Variants in RYR1 observed in about 807,000 individuals in gnomAD.
The protein encoded by RYR1 is central core disease of muscle.
In RYR1, 342 loss-of-function variants were observed where a neutral mutation model predicts 583.5. That is an observed-to-expected ratio of 0.59 (90% CI 0.54 to 0.64). RYR1 has a LOEUF of 0.64. RYR1 is among the 30% of genes least tolerant of loss of function. The pLI, the probability that RYR1 is intolerant of heterozygous loss-of-function variation, is 0.00. For missense variants in RYR1, 6,032 were observed against 6,917.2 expected (o/e 0.87, Z 4.54); for synonymous variants, 2,791 against 2,822.5 (o/e 0.99, Z 0.35).
At chr19:38,587,255 A>C in intron 105 of RYR1, 70 bp from the exon 106 acceptor site, 1 of 979,158 alleles carries the variant, frequency 1.0e-6, no homozygotes, top group Non-Finnish European at 1.6e-6. Flanking sequence ...CCTGTCTAAA[A>C]ATATATATAT....
intron 71 of RYR1, among the ~76,000 whole-genome samples, chr19:38,526,200 A>C (rs1971459788): frequency 6.6e-6 from 1 of 151,822 alleles, no homozygotes; most frequent in African/African-American, 2.4e-5. Flanking sequence ...GCTTGCTGGG[A>C]TATCAAGGAG....
intron 69 of RYR1, chr19:38,523,682 C>T (rs1971326937): frequency 3.2e-6 from 2 of 621,730 alleles, no homozygotes; most frequent in African/African-American, 3.7e-5. Flanking sequence ...TTTCTTTCTT[C>T]CTCTCCCCAT....
chr19:38,566,550 A>G (rs936772946), intron 91 of RYR1, among the ~76,000 whole-genome samples: 2 of 151,424 alleles, frequency 1.3e-5, no homozygotes, highest in Non-Finnish European at 2.9e-5. Flanking sequence ...CCTCGGAGAT[A>G]CTCGTTGTGG....
chr19:38,527,544 C>A (rs1971519462), intron 72 of RYR1, 103 bp from the exon 73 acceptor site: 1 of 1,434,584 alleles, frequency 7.0e-7, no homozygotes, highest in African/African-American at 1.4e-5. Flanking sequence ...AAGGCCTCAA[C>A]ATGCACTCAC....
rs141678912 is a variant in RYR1 at position 38,565,006 on chromosome 19, C to T, written c.12672C>T (p.Gly4224=). 1.8e-4 allele frequency: 288 copies of T among 1,591,462 alleles called. No homozygotes were observed. Among genetic ancestry groups the T allele is most frequent in the Non-Finnish European group, 2.4e-4 (276 of 1,169,852 alleles). The change falls in exon 91 of 106, where the codon GGC becomes GGT. Residue 4224 remains glycine (G), a synonymous_variant. Transcript: ENST00000359596. This position sits in a 1 kb window ranked among gnomAD's most constrained non-coding sequence, Gnocchi z 4.7. ...RQFIFDVVNE[G]GEAEKMELFV... is the part of the protein sequence containing the mutation. ...TCATCTTCGACGTGGTGAACGAGGG[C>T]GGCGAGGCTGAGAAGATGGAGCTCT...
At position 38,455,456 on chromosome 19, in the gene RYR1, C is replaced by T; in HGVS notation, c.1582C>T (p.Leu528=). 6.2e-7 allele frequency: 1 copy of T among 1,614,204 alleles called. No individual in the cohort carries two copies. The highest frequency in any genetic ancestry group is 1.1e-5 in the South Asian group (1 of 91,086). The change falls in exon 15 of 106, where the codon CTA becomes TTA. Residue 528 remains leucine, a synonymous_variant. Transcript: ENST00000359596. The stretch of plus-strand genomic sequence containing the variant: ...GACACCTCTTCCCCCCTCAGCTTCT[C>T]TAATCCGTGGCAATCGTAGCAACTG... ...VNLLYELLAS[L]IRGNRSNCAL...
intron 14 of RYR1, 40 bp downstream of exon 14, chr19:38,455,410 A>AT: frequency 1.2e-6 from 2 of 1,614,064 alleles, no homozygotes; most frequent in African/African-American, 2.7e-5. Context: ...AACACCCCAG[A>AT]TCCCCAGTCC....
At position 38,587,554 on chromosome 19, in the gene RYR1, G is replaced by A. The variant is rs1316640060; in HGVS notation, c.*134G>A. Reference sequence around the variant, plus strand: ...GTACTGGAAAATAAATCTGTGCTACGCCCCCCAGCATCACTGTGTTGGCCT... The same window carrying A: ...GTACTGGAAAATAAATCTGTGCTACACCCCCCAGCATCACTGTGTTGGCCT... On this transcript the variant is annotated 3_prime_UTR_variant, in exon 106 of 106. Transcript: ENST00000359596. 7 of 777,194 alleles carry A rather than the reference G, an allele frequency of 9.0e-6. No individual in the cohort carries two copies. Among genetic ancestry groups the A allele is most frequent in the East Asian group, 2.6e-5 (1 of 38,112 alleles). 48.1% of individuals were successfully genotyped at this position (777,194 alleles called of 1,614,324 possible).
chr19:38,535,276 G>T, intron 80 of RYR1, 40 bp from the exon 81 acceptor site: 1 of 1,613,270 alleles, frequency 6.2e-7, no homozygotes. Context: ...AGGTTCCTGT[G>T]TGACTCCCAG....
chr19:38,443,626 C>T lies in RYR1; in HGVS notation c.339C>T (p.Ser113=), dbSNP rs1972798917. The stretch of plus-strand genomic sequence containing the variant: ...CCATCCTGCTCCGGCATGCACACAG[C>T]CGCATGGTGAGTGCAACCTCGGTGG... The part of the protein sequence containing the change: ...GHAILLRHAH[S]RMYLSCLTTS... Residue 113 remains serine, a synonymous_variant, in exon 4 of 106, where the codon AGC becomes AGT. Transcript: ENST00000359596. 4 of 1,614,002 alleles carry T rather than the reference C, an allele frequency of 2.5e-6. No homozygotes were observed. In the South Asian group the frequency reaches 4.4e-5, roughly 18 times the overall value.
intron 39 of RYR1, among the ~76,000 whole-genome samples, chr19:38,495,761 G>A (rs1370852869): frequency 6.6e-6 from 1 of 152,028 alleles, no homozygotes; most frequent in African/African-American, 2.4e-5. Context: ...CACAGTGGCT[G>A]TAGGAATTTT....
intron 13 of RYR1, among the ~76,000 whole-genome samples, chr19:38,454,406 T>C (rs1336759426): frequency 1.3e-5 from 2 of 152,362 alleles, no homozygotes; most frequent in South Asian, 2.1e-4. Flanking sequence ...AAGTGCTGTC[T>C]AGCTTTCCTA....
At chr19:38,554,214 G>T (rs1397925572) in intron 89 of RYR1, among the ~76,000 whole-genome samples, 1 of 150,444 alleles carries the variant, frequency 6.6e-6, no homozygotes, top group African/African-American at 2.5e-5. Flanking sequence ...CACTTTGAGA[G>T]GCTGAGGCAT....
At chr19:38,568,027 C>T in intron 93 of RYR1, 110 bp downstream of exon 93, 1 of 1,304,388 alleles carries the variant, frequency 7.7e-7, no homozygotes, top group Non-Finnish European at 1.1e-6. Context: ...AAGCTCGTCT[C>T]TAAGAAGAAC....
At chr19:38,475,810 G>A (rs1349362951) in intron 29 of RYR1, among the ~76,000 whole-genome samples, 4 of 152,150 alleles carry the variant, frequency 2.6e-5, no homozygotes, top group African/African-American at 9.7e-5. Flanking sequence ...ATATTACTGG[G>A]AACAAAAATT....
intron 26 of RYR1, 27 bp downstream of exon 26, chr19:38,469,167 CCTTT>C (rs1409076720): frequency 1.2e-6 from 2 of 1,613,750 alleles, no homozygotes; most frequent in Non-Finnish European, 1.7e-6. Flanking sequence ...CTTCACATGC[CCTTT>C]CTTGTTTTCC....
At chr19:38,585,847 T>C in intron 102 of RYR1, 91 bp from the exon 103 acceptor site, 1 of 1,465,356 alleles carries the variant, frequency 6.8e-7, no homozygotes, top group Non-Finnish European at 9.6e-7. Flanking sequence ...AAATGGGGGA[T>C]GGAGGGCAAG....
rs372969678 is a variant in RYR1, at chr19:38,478,626, C to T, written c.4620+26C>T. On this transcript the variant is annotated intron_variant, in intron 31 of 105. Transcript: ENST00000359596. ...GTGAGTCCAGGCCACAGCAATTTAGCGAGAGCATCATGTCCCAGCATCCCA... is the reference window on the plus strand; with the variant it reads ...GTGAGTCCAGGCCACAGCAATTTAGTGAGAGCATCATGTCCCAGCATCCCA... The T allele has an allele frequency of 6.3e-5, 101 of 1,604,880 alleles. 1 individual carries two copies. Among genetic ancestry groups the T allele is most frequent in the Middle Eastern group, 5.0e-4 (3 of 6,058 alleles).
rs1396866846 is a variant in RYR1 at position 38,458,087 on chromosome 19, C to T, written c.1962C>T (p.Gly654=). The change falls in exon 18 of 106, where the codon GGC becomes GGT. Residue 654 remains glycine (G), a synonymous_variant. Coordinates refer to ENST00000359596, the MANE Select transcript of RYR1 (RefSeq NM_000540.3). The part of the protein sequence containing the change: ...RPNIFVGRAE[G]TTQYSKWYFE... ...ACATCTTTGTGGGCCGAGCGGAAGG[C>T]ACCACGCAGTACAGCAAATGGTACT... 6.2e-7 allele frequency: 1 copy of T among 1,613,936 alleles called. No homozygotes were observed. Among genetic ancestry groups the T allele is most frequent in the Non-Finnish European group, 8.5e-7 (1 of 1,180,040 alleles).
Sources: gnomAD v4.1 joint callset for allele counts (sites outside exome capture counted in the v4.1 genomes callset) on GRCh38, gnomAD v4.1.1 for gene constraint, Gnocchi (gnomAD v3.1) non-coding constraint, MANE v1.5 for transcripts, NCBI Gene and HGNC (gene_info 2026-07-23, HGNC 2026-07-21) for gene names.